DPP10: variants seen among roughly 807,000 people sequenced by gnomAD.
DPP10 encodes inactive dipeptidyl peptidase 10.
Under a neutral mutation model 120.9 loss-of-function variants are expected in DPP10, and 33 were observed. That is an observed-to-expected ratio of 0.27 (90% confidence interval 0.21 to 0.37). The LOEUF is 0.37. Ranked by LOEUF, DPP10 falls within the 10% of genes least tolerant of loss-of-function variation. The pLI is 1.00. For synonymous variants in DPP10, 337 were observed against 326.1 expected, an observed-to-expected ratio of 1.03 and a Z score of -0.36; for missense variants, 816 against 942.8, an observed-to-expected ratio of 0.87 and a Z score of 1.76.
At chr2:114,598,949 G>C (rs1345380806) in intron 1 of DPP10, among the ~76,000 whole-genome samples, 1 of 151,832 alleles carries the variant, frequency 6.6e-6, no homozygotes, top group East Asian at 1.9e-4. Context: ...CCTCCCGGTG[G>C]ATAAGAGAAT....
chr2:115,480,086 T>A (rs1242225509), intron 3 of DPP10, among the ~76,000 whole-genome samples: 4 of 151,942 alleles, frequency 2.6e-5, no homozygotes, highest in Admixed American at 2.6e-4. Flanking sequence ...GGGGTGGAGA[T>A]CAAGCAGCAC....
chr2:114,531,587 A>G (rs1202825584), intron 1 of DPP10, among the ~76,000 whole-genome samples: 2 of 148,184 alleles, frequency 1.3e-5, no homozygotes, highest in Non-Finnish European at 3.0e-5. Context: ...TATATGTTAC[A>G]GATAAAATGA....
chr2:115,344,113 G>A (rs933093219), intron 3 of DPP10, among the ~76,000 whole-genome samples: 2 of 144,054 alleles, frequency 1.4e-5, no homozygotes, highest in African/African-American at 2.6e-5. Context: ...TCCAACCTGG[G>A]TGACAGAGCG....
chr2:115,769,200 A>T (rs1290385953), intron 13 of DPP10, among the ~76,000 whole-genome samples: 3 of 152,082 alleles, frequency 2.0e-5, no homozygotes, highest in Non-Finnish European at 4.4e-5. Flanking sequence ...TCTAATGAAA[A>T]GTCACTGTGG....
At chr2:115,162,920 G>C (rs1301634521) in intron 1 of DPP10, among the ~76,000 whole-genome samples, 2 of 152,078 alleles carry the variant, frequency 1.3e-5, no homozygotes, top group African/African-American at 2.4e-5. Flanking sequence ...CTGGCGAGGA[G>C]GAGGAGGAGG....
At chr2:114,669,482 A>T (rs1698173809) in intron 1 of DPP10, among the ~76,000 whole-genome samples, 1 of 152,144 alleles carries the variant, frequency 6.6e-6, no homozygotes, top group Non-Finnish European at 1.5e-5. Context: ...TGAAGGAGTT[A>T]CGTCTTTCTG....
chr2:114,917,172 A>G (rs190501860), intron 1 of DPP10, among the ~76,000 whole-genome samples: 7 of 152,268 alleles, frequency 4.6e-5, no homozygotes, highest in Middle Eastern at 3.4e-3. Flanking sequence ...CTATACACCA[A>G]TAATGTCCAA....
At chr2:114,938,216 C>T (rs1432735474) in intron 1 of DPP10, among the ~76,000 whole-genome samples, 1 of 152,018 alleles carries the variant, frequency 6.6e-6, no homozygotes, top group Non-Finnish European at 1.5e-5. Context: ...TTTAACATAC[C>T]TCTTTCTACT....
At chr2:115,607,765 A>G (rs1018510935) in intron 5 of DPP10, among the ~76,000 whole-genome samples, 4 of 152,138 alleles carry the variant, frequency 2.6e-5, no homozygotes, top group African/African-American at 9.7e-5. Context: ...GGTGTCTTAT[A>G]TATAGTATAT....
intron 5 of DPP10, among the ~76,000 whole-genome samples, chr2:115,585,150 G>A (rs2082213086): frequency 6.6e-6 from 1 of 152,164 alleles, no homozygotes; most frequent in African/African-American, 2.4e-5. Context: ...TTCAGGCTAT[G>A]AGGGCAAAAT....
intron 1 of DPP10, among the ~76,000 whole-genome samples, chr2:114,567,025 A>G (rs1334704148): frequency 6.6e-6 from 1 of 151,968 alleles, no homozygotes; most frequent in Non-Finnish European, 1.5e-5. Flanking sequence ...CTTCAGCACA[A>G]CCCTTGCCTC....
At chr2:114,618,685 T>C (rs1693856686) in intron 1 of DPP10, among the ~76,000 whole-genome samples, 3 of 151,982 alleles carry the variant, frequency 2.0e-5, no homozygotes, top group Non-Finnish European at 4.4e-5. Context: ...AATCAGTAAG[T>C]TGGTAACATG....
chr2:114,712,923 A>ATAACACT, intron 1 of DPP10, among the ~76,000 whole-genome samples: 1 of 152,232 alleles, frequency 6.6e-6, no homozygotes, highest in Non-Finnish European at 1.5e-5. Context: ...CTGTAGTACA[A>ATAACACT]TAACACTTAA....
intron 1 of DPP10, among the ~76,000 whole-genome samples, chr2:115,209,785 T>C (rs2056386291): frequency 6.6e-6 from 1 of 152,076 alleles, no homozygotes; most frequent in South Asian, 2.1e-4. Context: ...GCAAGAAAAA[T>C]CAGCTCTGGC....
At chr2:115,463,563 T>G (rs2105093371) in intron 3 of DPP10, among the ~76,000 whole-genome samples, 1 of 152,302 alleles carries the variant, frequency 6.6e-6, no homozygotes, top group Non-Finnish European at 1.5e-5. Flanking sequence ...CATAAAATTG[T>G]CTATCCTTCA....
At chr2:115,166,529 ATATATAAATTTATAATATAAATATATAT>A (rs1185642019) in intron 1 of DPP10, among the ~76,000 whole-genome samples, 32 of 115,166 alleles carry the variant, frequency 2.8e-4, no homozygotes, top group Non-Finnish European at 4.4e-4. Context: ...ATATAAATAT[ATATATAAATTTATAATATAAATATATAT>A]TATATAAATT....
At chr2:115,286,526 A>ATATATATTACATATATAATATATATATT (rs10675008) in intron 1 of DPP10, among the ~76,000 whole-genome samples, 2 of 60,946 alleles carry the variant, frequency 3.3e-5, no homozygotes, top group African/African-American at 1.1e-4. Context: ...ATATATATAT[A>ATATATATTACATATATAATATATATATT]ATATATATAT....
intron 1 of DPP10, among the ~76,000 whole-genome samples, chr2:114,495,505 C>T (rs973595993): frequency 1.3e-5 from 2 of 151,960 alleles, no homozygotes; most frequent in Non-Finnish European, 2.9e-5. Context: ...GTATTTATTG[C>T]CTATCATCTT....
intron 1 of DPP10, among the ~76,000 whole-genome samples, chr2:115,079,554 A>C (rs1708093993): frequency 6.6e-6 from 1 of 152,006 alleles, no homozygotes; most frequent in South Asian, 2.1e-4. Flanking sequence ...TGTTGTGTGG[A>C]TTGAGTCTTC....
Sources: allele counts gnomAD v4.1 joint callset (sites outside exome capture counted in the v4.1 genomes callset), GRCh38; gene constraint gnomAD v4.1.1; transcripts MANE v1.5; gene names NCBI Gene and HGNC (gene_info 2026-07-23, HGNC 2026-07-21).